The following FMN1 variants were observed in gnomAD, a reference collection of about 807,000 sequenced individuals.
FMN1 encodes the protein formin 1.
In FMN1, 110 loss-of-function variants were observed where a neutral mutation model predicts 132.4. The ratio of observed to expected loss-of-function variants is 0.83; its 90% CI spans 0.71 to 0.97. The LOEUF is 0.97. FMN1 is among the 50% of genes least tolerant of loss of function. The pLI is 0.00. For missense variants in FMN1, 1,792 were observed against 1,705.3 expected (o/e 1.05, Z -0.90); for synonymous variants, 722 against 651.7 (o/e 1.11, Z -1.64).
rs147473900 is a variant in FMN1 at position 32,884,427 on chromosome 15, G to C, written c.3835+3745C>G. The stretch of plus-strand genomic sequence containing the variant: ...ATATCTCCCTCTGATCATAGCCAGG[G>C]AAAGTCCTCAGCGTTTAAAGACTGA... On this transcript the variant is annotated intron_variant, in intron 16 of 20. Transcript: ENST00000616417. 1.2e-4 allele frequency among the ~76,000 whole-genome samples: 19 copies of C among 152,260 alleles called. No individual in the cohort carries two copies. The East Asian group carries it at 3.1e-3, about 25-fold the overall frequency.
At chr15:32,988,740 G>A (rs956273026) in intron 7 of FMN1, among the ~76,000 whole-genome samples, 3 of 150,400 alleles carry the variant, frequency 2.0e-5, no homozygotes, top group African/African-American at 4.9e-5. Flanking sequence ...AATAAACCCC[G>A]TTGTTGTTGT....
In FMN1 at chr15:33,154,896, T is replaced by C. The variant is rs911866548; in HGVS notation, c.19A>G (p.Thr7Ala). 2.0e-6 allele frequency: 3 copies of C among 1,533,934 alleles called. No homozygotes were observed. The highest frequency in any genetic ancestry group is 2.6e-6 in the Non-Finnish European group (3 of 1,145,968). ...GTAATGGGCTTATGCAATTGGAGGG[T>C]ACAATGAGTGCCTTCCATTATGCCT... is the stretch of plus-strand genomic sequence containing the variant. MEGTHCTLQLHKPITEL... is the reference protein window; with the variant it reads MEGTHCALQLHKPITEL... The change falls in exon 4 of 21, where the codon ACC (threonine) becomes GCC (alanine). Residue 7 changes from threonine (T) to alanine (A), a missense_variant. Thr to Ala is a moderately conservative substitution (Grantham distance 58, BLOSUM62 0). Coordinates refer to ENST00000616417, the MANE Select transcript of FMN1 (RefSeq NM_001277313.2).
chr15:33,107,747 T>G (rs1475744902), intron 4 of FMN1, among the ~76,000 whole-genome samples: 1 of 152,126 alleles, frequency 6.6e-6, no homozygotes, highest in East Asian at 1.9e-4. Context: ...TACTTATCAT[T>G]ACCTGAAACT....
chr15:32,938,448 G>C (rs967954350), intron 9 of FMN1, among the ~76,000 whole-genome samples: 1 of 152,136 alleles, frequency 6.6e-6, no homozygotes, highest in Non-Finnish European at 1.5e-5. Flanking sequence ...AGAATTGCTT[G>C]AACCCAGGAG....
At chr15:32,776,095 T>C (rs1413298613) in intron 20 of FMN1, among the ~76,000 whole-genome samples, 2 of 152,252 alleles carry the variant, frequency 1.3e-5, no homozygotes, top group Non-Finnish European at 2.9e-5. Context: ...AAAAGTAGTA[T>C]GTTCTTTTCA....
chr15:33,109,534 T>C (rs147207055), intron 4 of FMN1, among the ~76,000 whole-genome samples: 3,405 of 152,194 alleles, frequency 0.022, 125 homozygotes, highest in African/African-American at 0.078. Flanking sequence ...ATCATGTCTT[T>C]TGTGGGAACA....
chr15:32,884,265 C>CT (rs1159376910), intron 16 of FMN1, among the ~76,000 whole-genome samples: 2 of 152,160 alleles, frequency 1.3e-5, no homozygotes, highest in African/African-American at 4.8e-5. Flanking sequence ...GCTGTACTCC[C>CT]TTTTAGAGGC....
intron 15 of FMN1, among the ~76,000 whole-genome samples, chr15:32,893,557 G>A (rs967589062): frequency 6.6e-6 from 1 of 152,238 alleles, no homozygotes; most frequent in Non-Finnish European, 1.5e-5. Flanking sequence ...AGGAAGCAGG[G>A]AGCAGGAGTC....
intron 16 of FMN1, among the ~76,000 whole-genome samples, chr15:32,882,521 GGGA>G (rs1286374279): frequency 2.6e-5 from 4 of 152,192 alleles, no homozygotes; most frequent in Non-Finnish European, 4.4e-5. Flanking sequence ...TACACTGGTA[GGGA>G]GGAGAATTTT....
intron 17 of FMN1, among the ~76,000 whole-genome samples, chr15:32,808,142 A>C (rs550887762): frequency 6.6e-6 from 1 of 152,372 alleles, no homozygotes; most frequent in South Asian, 2.1e-4. Context: ...TACGGGAACT[A>C]TATATCATAC....
At chr15:33,182,084 G>A (rs1279648704) in intron 2 of FMN1, among the ~76,000 whole-genome samples, 1 of 152,200 alleles carries the variant, frequency 6.6e-6, no homozygotes, top group Non-Finnish European at 1.5e-5. Context: ...TCTGGAAGCA[G>A]AGAGAAGCCA....
chr15:32,889,818 G>A (rs576076806), intron 15 of FMN1, among the ~76,000 whole-genome samples: 71 of 152,230 alleles, frequency 4.7e-4, no homozygotes, highest in African/African-American at 1.7e-3. Flanking sequence ...GTGGTATTTG[G>A]TTACATGAGT....
At chr15:32,845,960 GAAA>G (rs59947437) in intron 17 of FMN1, among the ~76,000 whole-genome samples, 1 of 145,178 alleles carries the variant, frequency 6.9e-6, no homozygotes. Flanking sequence ...TTACAGACAA[GAAA>G]AAAAAAAAGG....
chr15:32,804,321 G>A lies in FMN1; in HGVS notation c.3940C>T (p.His1314Tyr). 1 of 1,562,296 alleles carries A rather than the reference G, an allele frequency of 6.4e-7. No individual in the cohort carries two copies. The highest frequency in any genetic ancestry group is 8.7e-7 in the Non-Finnish European group (1 of 1,152,064). Reference protein sequence around the residue: ...EEFFQKAKKEHKMEESHLENA... With the variant: ...EEFFQKAKKEYKMEESHLENA... ...TCCAAGTGACTTTCTTCCATCTTAT[G>A]CTCTTTTTTGGCTGTAAAAGATAAA... Residue 1314 changes from histidine to tyrosine, a missense_variant, in exon 18 of 21, where the codon CAT (histidine) becomes TAT (tyrosine). This residue lies in a region of FMN1 where 1,150 missense variants were observed against 1,043.1 expected (regional missense o/e 1.10). Transcript: ENST00000616417.
chr15:32,783,612 G>A (rs2056742482), intron 19 of FMN1, among the ~76,000 whole-genome samples: 1 of 151,880 alleles, frequency 6.6e-6, no homozygotes, highest in Non-Finnish European at 1.5e-5. Context: ...ATGTGGTGGT[G>A]GGCGCCTGTA....
At position 32,774,262 on chromosome 15, in the gene FMN1, G is replaced by A. The variant is rs1489352162; in HGVS notation, c.*48C>T. On this transcript the variant is annotated 3_prime_UTR_variant, in exon 21 of 21. Transcript: ENST00000616417. The stretch of plus-strand genomic sequence containing the variant: ...AACCCTGTGGTCACAAAGAGTATGC[G>A]TGCAAGGTCCTCCACCTCCAGTGCC... The A allele has an allele frequency of 3.5e-6, 5 of 1,442,942 alleles. No individual in the cohort carries two copies. Among genetic ancestry groups the A allele is most frequent in the Non-Finnish European group, 4.8e-6 (5 of 1,036,062 alleles). The allele number at this position is 1,442,942 out of a possible 1,614,324, so 89.4% of individuals were successfully genotyped here.
At chr15:33,070,863 T>C (rs929928485) in intron 5 of FMN1, among the ~76,000 whole-genome samples, 2 of 152,128 alleles carry the variant, frequency 1.3e-5, no homozygotes, top group Admixed American at 6.5e-5. Context: ...TGAGTTGTTA[T>C]TATTATTATT....
At chr15:32,778,250 A>G (rs1391010519) in intron 19 of FMN1, among the ~76,000 whole-genome samples, 1 of 141,722 alleles carries the variant, frequency 7.1e-6, no homozygotes, top group African/African-American at 2.6e-5. Context: ...TATAATACAT[A>G]TATGTATAAT....
Position 33,012,533 on chromosome 15 carries a change from G to A in FMN1, c.2162-4458C>T, listed in dbSNP as rs59506201. The A allele has an allele frequency of 3.4e-3, 5,132 of 1,519,940 alleles. 96 individuals are homozygous for A. The African/African-American group carries it at 0.046, about 14-fold the overall frequency. 94.2% of individuals were successfully genotyped at this position (1,519,940 alleles called of 1,614,324 possible). On this transcript the variant is annotated intron_variant, in intron 6 of 20. Coordinates refer to ENST00000616417, the MANE Select transcript of FMN1 (RefSeq NM_001277313.2). ...GAAGTGATTGAAATCATGACTGACC[G>A]AGGCAGTGGCAAGAAAAGGGGCTTT...
Sources: gnomAD v4.1 joint callset for allele counts (sites outside exome capture counted in the v4.1 genomes callset) on GRCh38, gnomAD v4.1.1 for gene constraint, gnomAD v4.1.1 regional missense constraint, MANE v1.5 for transcripts, NCBI Gene and HGNC (gene_info 2026-07-23, HGNC 2026-07-21) for gene names.